The following NXN variants were observed in gnomAD, a reference collection of about 807,000 sequenced individuals.
The protein encoded by NXN is nucleoredoxin.
In NXN, 16 loss-of-function variants were observed where a neutral mutation model predicts 48.6. The observed-to-expected ratio is 0.33, with a 90% CI of 0.22 to 0.50. The LOEUF (loss-of-function observed/expected upper bound fraction) is 0.50, where lower values mean the gene tolerates loss of function less well. Ranked by LOEUF, NXN falls within the 20% of genes least tolerant of loss-of-function variation. The pLI is 0.98. For missense variants in NXN, 492 were observed against 605.5 expected, an observed-to-expected ratio of 0.81 and a Z score of 1.97; for synonymous variants, 281 against 269.6, an observed-to-expected ratio of 1.04 and a Z score of -0.41.
At chr17:954,427 T>C (rs1555520036) in intron 1 of NXN, among the ~76,000 whole-genome samples, 2 of 152,208 alleles carry the variant, frequency 1.3e-5, no homozygotes, top group Non-Finnish European at 2.9e-5. Flanking sequence ...GATACCTAAA[T>C]TCTCTCTCGA....
At chr17:821,486 G>A (rs1912816157) in intron 4 of NXN, among the ~76,000 whole-genome samples, 1 of 78,628 alleles carries the variant, frequency 1.3e-5, no homozygotes, top group South Asian at 3.8e-4. Flanking sequence ...GGCCGGGCGC[G>A]GTGGCTCATG....
intron 1 of NXN, among the ~76,000 whole-genome samples, chr17:826,852 C>T (rs1410735099): frequency 7.2e-5 from 11 of 152,238 alleles, no homozygotes; most frequent in Non-Finnish European, 2.9e-5. Context: ...GTTGGCTGTG[C>T]ACACGGTCAG....
At chr17:973,842 G>A (rs2069421627) in intron 1 of NXN, among the ~76,000 whole-genome samples, 1 of 151,582 alleles carries the variant, frequency 6.6e-6, no homozygotes, top group South Asian at 2.1e-4. Flanking sequence ...ACCACACCTG[G>A]TTAATTTTGT....
chr17:975,120 G>A (rs906287093), intron 1 of NXN, among the ~76,000 whole-genome samples: 4 of 152,084 alleles, frequency 2.6e-5, no homozygotes, highest in Admixed American at 6.6e-5. Context: ...CATCACACCC[G>A]GCCTGCTCCT....
rs2663316 is a variant in NXN, at chr17:897,761, G to C, written c.361-71683C>G. Among the ~76,000 whole-genome samples the C allele has an allele frequency of 1.2e-4, 18 of 152,058 alleles. No homozygotes were observed. The East Asian group carries it at 2.5e-3, about 21-fold the overall frequency. ...CACGATCTCGGCTCACTGCAACCTC[G>C]GCCTCCAAGGTTCAAGCAGTTCTCC... On this transcript the variant is annotated intron_variant, in intron 1 of 7. Coordinates refer to ENST00000336868, the MANE Select transcript of NXN (RefSeq NM_022463.5).
At chr17:861,586 G>C (rs925338203) in intron 1 of NXN, among the ~76,000 whole-genome samples, 3 of 152,138 alleles carry the variant, frequency 2.0e-5, no homozygotes, top group African/African-American at 7.2e-5. Context: ...GACTAGGGGA[G>C]GGAGAGGCCA....
At chr17:916,828 G>A (rs1371373412) in intron 1 of NXN, among the ~76,000 whole-genome samples, 1 of 152,160 alleles carries the variant, frequency 6.6e-6, no homozygotes, top group Admixed American at 6.5e-5. Flanking sequence ...AACCCGGGAG[G>A]TGGAGGTTGC....
rs1212340485 is a variant in NXN, at chr17:959,460, C to G, written c.360+19859G>C. 4.4e-5 allele frequency: 8 copies of G among 181,344 alleles called. No homozygotes were observed. In the East Asian group the frequency reaches 9.4e-4, roughly 21 times the overall value. The allele number at this position is 181,344 out of a possible 1,614,324, so 11.2% of individuals were successfully genotyped here. The stretch of plus-strand genomic sequence containing the variant: ...ACCCCACTCCCAGGGAAGCTCCCAG[C>G]CTCACCGGCCCAATAAAGGACTTCA... On this transcript the variant is annotated intron_variant, in intron 1 of 7. Coordinates refer to ENST00000336868, the MANE Select transcript of NXN (RefSeq NM_022463.5).
intron 1 of NXN, among the ~76,000 whole-genome samples, chr17:871,505 AAT>A (rs2068154623): frequency 6.7e-6 from 1 of 149,598 alleles, no homozygotes; most frequent in Admixed American, 6.7e-5. Flanking sequence ...CCCGGGTTCA[AAT>A]GATTCTCCTG....
At chr17:868,834 C>A (rs1465072598) in intron 1 of NXN, among the ~76,000 whole-genome samples, 1 of 152,170 alleles carries the variant, frequency 6.6e-6, no homozygotes, top group Non-Finnish European at 1.5e-5. Context: ...GTGCCAGCAC[C>A]GACCCTGGGC....
intron 1 of NXN, among the ~76,000 whole-genome samples, chr17:861,090 C>T (rs891653418): frequency 1.3e-4 from 20 of 152,236 alleles, no homozygotes; most frequent in African/African-American, 4.1e-4. Context: ...CTGAGTGCAA[C>T]ATATCAGTAT....
At chr17:907,241 G>C (rs989060514) in intron 1 of NXN, among the ~76,000 whole-genome samples, 6 of 152,106 alleles carry the variant, frequency 3.9e-5, no homozygotes, top group African/African-American at 1.4e-4. Flanking sequence ...CTTTCCTGCA[G>C]CCTCTGGCTC....
At chr17:872,804 A>G (rs948039428) in intron 1 of NXN, among the ~76,000 whole-genome samples, 4 of 151,882 alleles carry the variant, frequency 2.6e-5, no homozygotes, top group Non-Finnish European at 5.9e-5. Context: ...TATTTTTAGT[A>G]GAGACGGGTT....
At chr17:940,379 C>T (rs1358325609) in intron 1 of NXN, among the ~76,000 whole-genome samples, 5 of 152,110 alleles carry the variant, frequency 3.3e-5, no homozygotes, top group Admixed American at 2.6e-4. Flanking sequence ...CAGGCGTGAG[C>T]CATTGCACCT....
chr17:963,214 GAC>G (rs58535607), intron 1 of NXN, among the ~76,000 whole-genome samples: 213 of 142,076 alleles, frequency 1.5e-3, no homozygotes, highest in Non-Finnish European at 1.8e-3. Context: ...TACTGGGACG[GAC>G]ACACACACAC....
chr17:815,409 G>A (rs753092184), intron 5 of NXN, among the ~76,000 whole-genome samples: 2 of 150,752 alleles, frequency 1.3e-5, no homozygotes, highest in African/African-American at 4.9e-5. Context: ...CCATCCGTAC[G>A]ATGAGGGCGA....
chr17:904,318 C>G lies in NXN; in HGVS notation c.360+75001G>C, dbSNP rs974960496. On this transcript the variant is annotated intron_variant, in intron 1 of 7. Coordinates refer to ENST00000336868, the MANE Select transcript of NXN (RefSeq NM_022463.5). Reference sequence around the variant, plus strand: ...CGGACGCCGTCCGGCTTCCATCCGACAGACTGGCCCCAGTTTTATGGTGCC... The same window carrying G: ...CGGACGCCGTCCGGCTTCCATCCGAGAGACTGGCCCCAGTTTTATGGTGCC... Among the ~76,000 whole-genome samples, 3 of 151,994 alleles carry G rather than the reference C, an allele frequency of 2.0e-5. No individual in the cohort carries two copies. The South Asian group carries it at 6.2e-4, about 31-fold the overall frequency.
chr17:871,551 C>T (rs912932062), intron 1 of NXN, among the ~76,000 whole-genome samples: 4 of 151,562 alleles, frequency 2.6e-5, no homozygotes, highest in Non-Finnish European at 4.4e-5. Flanking sequence ...ATTACAGGTA[C>T]GTGCCACCAT....
At chr17:831,416 C>A (rs1046699196) in intron 1 of NXN, among the ~76,000 whole-genome samples, 1 of 151,992 alleles carries the variant, frequency 6.6e-6, no homozygotes, top group Non-Finnish European at 1.5e-5. Context: ...TGGAACCAGT[C>A]CCCCCGCCAC....
Sources: allele counts gnomAD v4.1 joint callset (sites outside exome capture counted in the v4.1 genomes callset), GRCh38; gene constraint gnomAD v4.1.1; transcripts MANE v1.5; gene names NCBI Gene and HGNC (gene_info 2026-07-23, HGNC 2026-07-21).